STAG1: variants seen among roughly 807,000 people sequenced by gnomAD.
STAG1 encodes cohesin subunit SA-1.
In STAG1, 26 loss-of-function variants were observed where a neutral mutation model predicts 170.9. The ratio of observed to expected loss-of-function variants is 0.15; its 90% CI spans 0.11 to 0.21. STAG1 has a LOEUF of 0.21. Among genes scored for constraint, STAG1 ranks in the 10% least tolerant of loss-of-function variants. The probability of loss-of-function intolerance (pLI) is 1.00; values close to 1 mark genes in which losing one functional copy is unlikely to be tolerated. For missense variants in STAG1, 964 were observed against 1,509.5 expected (o/e 0.64, Z 5.99); for synonymous variants, 514 against 497.7 (o/e 1.03, Z -0.44).
At chr3:136,471,094 G>T (rs901041049) in intron 12 of STAG1, among the ~76,000 whole-genome samples, 5 of 144,878 alleles carry the variant, frequency 3.5e-5, no homozygotes, top group African/African-American at 1.3e-4. Flanking sequence ...GCTGCACATT[G>T]TGCACATGTA....
At chr3:136,749,660 C>T (rs1309312768) in intron 1 of STAG1, among the ~76,000 whole-genome samples, 2 of 151,198 alleles carry the variant, frequency 1.3e-5, no homozygotes, top group African/African-American at 4.9e-5. Flanking sequence ...GCAGGAGAAT[C>T]GCTTGAACCC....
At chr3:136,656,109 TATGA>T (rs1394975596) in intron 1 of STAG1, among the ~76,000 whole-genome samples, 2 of 152,016 alleles carry the variant, frequency 1.3e-5, no homozygotes, top group Non-Finnish European at 1.5e-5. Context: ...TGACAGATGT[TATGA>T]ATGAAACTTG....
intron 4 of STAG1, among the ~76,000 whole-genome samples, chr3:136,600,512 G>A (rs772027150): frequency 3.9e-5 from 6 of 152,078 alleles, no homozygotes; most frequent in Non-Finnish European, 5.9e-5. Flanking sequence ...AATCACTGAT[G>A]TCGGCTTGTA....
intron 21 of STAG1, chr3:136,417,626 TCTC>T (rs2087811885): frequency 3.0e-6 from 1 of 335,228 alleles, no homozygotes; most frequent in African/African-American, 2.1e-5. Context: ...TAATGGTATT[TCTC>T]CTAATAGAGA....
At chr3:136,394,610 T>C (rs953727808) in intron 22 of STAG1, among the ~76,000 whole-genome samples, 1 of 151,730 alleles carries the variant, frequency 6.6e-6, no homozygotes, top group Non-Finnish European at 1.5e-5. Flanking sequence ...ACCCCATCTC[T>C]ACAAAAAATA....
intron 1 of STAG1, among the ~76,000 whole-genome samples, chr3:136,718,794 G>T (rs968022058): frequency 6.6e-6 from 1 of 151,920 alleles, no homozygotes; most frequent in East Asian, 1.9e-4. Flanking sequence ...AAGTGTGGTG[G>T]GGGGGGCCTG....
At chr3:136,650,248 AAAG>A (rs950110787) in intron 1 of STAG1, among the ~76,000 whole-genome samples, 1 of 151,858 alleles carries the variant, frequency 6.6e-6, no homozygotes, top group African/African-American at 2.4e-5. Flanking sequence ...AAAAAAAAAA[AAAG>A]AGAGAGAGAC....
intron 4 of STAG1, among the ~76,000 whole-genome samples, chr3:136,599,085 T>C (rs943739613): frequency 2.6e-5 from 4 of 152,210 alleles, no homozygotes; most frequent in African/African-American, 4.8e-5. Flanking sequence ...TTAACAGGTA[T>C]ATACCCAAAG....
intron 5 of STAG1, among the ~76,000 whole-genome samples, chr3:136,542,579 C>CAGGT (rs1935961251): frequency 6.6e-6 from 1 of 151,224 alleles, no homozygotes; most frequent in African/African-American, 2.4e-5. Flanking sequence ...CTCTTTGATC[C>CAGGT]ACAGATTGTA....
chr3:136,613,458 A>C, intron 3 of STAG1, among the ~76,000 whole-genome samples: 1 of 152,080 alleles, frequency 6.6e-6, no homozygotes, highest in East Asian at 1.9e-4. Context: ...TGCAGTTCCC[A>C]AATGACAAAT....
chr3:136,731,549 A>G lies in STAG1; in HGVS notation c.-84+20646T>C, dbSNP rs555473995. 2.0e-5 allele frequency among the ~76,000 whole-genome samples: 3 copies of G among 152,330 alleles called. No individual in the cohort carries two copies. The South Asian group carries it at 6.2e-4, about 32-fold the overall frequency. On this transcript the variant is annotated intron_variant, in intron 1 of 33. Transcript: ENST00000383202. ...GAGAGAACACTTAGATCAACCCTGG[A>G]TGGGAGAAAGAGAGGAGCAATAAGC...
chr3:136,665,779 C>CAA (rs1335180026), intron 1 of STAG1, among the ~76,000 whole-genome samples: 23 of 80,334 alleles, frequency 2.9e-4, no homozygotes, highest in East Asian at 4.3e-4. Flanking sequence ...GATTCCGTCT[C>CAA]AAAAAAAAAA....
intron 4 of STAG1, among the ~76,000 whole-genome samples, chr3:136,578,554 T>C (rs901530244): frequency 6.6e-6 from 1 of 152,244 alleles, no homozygotes; most frequent in Non-Finnish European, 1.5e-5. Flanking sequence ...CTATTCCAAG[T>C]ACATACAATA....
chr3:136,461,737 G>C (rs1017196214), intron 13 of STAG1, among the ~76,000 whole-genome samples: 5 of 152,050 alleles, frequency 3.3e-5, no homozygotes, highest in African/African-American at 1.2e-4. Flanking sequence ...TTTCTATACA[G>C]CAAAGGGATC....
chr3:136,713,682 G>C (rs1257472151), intron 1 of STAG1, among the ~76,000 whole-genome samples: 1 of 151,964 alleles, frequency 6.6e-6, no homozygotes, highest in Non-Finnish European at 1.5e-5. Flanking sequence ...GAGGCCAGGA[G>C]TTAGAGACCA....
intron 9 of STAG1, among the ~76,000 whole-genome samples, chr3:136,494,593 G>A (rs1426230122): frequency 3.3e-5 from 5 of 152,088 alleles, no homozygotes; most frequent in Admixed American, 2.6e-4. Flanking sequence ...TAACCATGTG[G>A]AATTTCTCCC....
chr3:136,576,782 A>T (rs1937476955), intron 4 of STAG1, among the ~76,000 whole-genome samples: 1 of 152,198 alleles, frequency 6.6e-6, no homozygotes, highest in Non-Finnish European at 1.5e-5. Flanking sequence ...ACATTCTTCA[A>T]ATTCTATTAG....
chr3:136,418,032 C>G, intron 20 of STAG1, 60 bp from the exon 21 acceptor site: 1 of 1,335,274 alleles, frequency 7.5e-7, no homozygotes, highest in Non-Finnish European at 1.1e-6. Flanking sequence ...TAAATTTGAG[C>G]TCAGTTCAGG....
intron 9 of STAG1, among the ~76,000 whole-genome samples, chr3:136,493,076 G>A (rs773421185): frequency 2.1e-4 from 32 of 152,190 alleles, no homozygotes; most frequent in Non-Finnish European, 4.3e-4. Flanking sequence ...AGGCATGATA[G>A]TTCACACCTA....
Sources: allele counts gnomAD v4.1 joint callset (sites outside exome capture counted in the v4.1 genomes callset), GRCh38; gene constraint gnomAD v4.1.1; transcripts MANE v1.5; gene names NCBI Gene and HGNC (gene_info 2026-07-23, HGNC 2026-07-21).